Variants in TMEM117 observed in about 807,000 individuals in gnomAD.
TMEM117 encodes the protein transmembrane protein 117.
TMEM117 carries 27 observed loss-of-function variants against 52.4 expected under a neutral mutation model. The ratio of observed to expected loss-of-function variants is 0.51; its 90% CI spans 0.38 to 0.71. The LOEUF (loss-of-function observed/expected upper bound fraction) is 0.71. Among genes scored for constraint, TMEM117 ranks in the 30% least tolerant of loss-of-function variants. TMEM117 has a pLI of 0.00. For synonymous variants in TMEM117, 215 were observed against 206.3 expected (o/e 1.04, Z -0.36); for missense variants, 556 against 630.5 (o/e 0.88, Z 1.26).
chr12:44,076,156 A>G (rs138474627), intron 3 of TMEM117, among the ~76,000 whole-genome samples: 2,126 of 152,316 alleles, frequency 0.014, 37 homozygotes, highest in African/African-American at 0.048. Context: ...AATTGCCTTC[A>G]TTCTCTAAGA....
upstream of TMEM117, among the ~76,000 whole-genome samples, chr12:43,835,383 T>C (rs1427165088): frequency 6.6e-6 from 1 of 152,194 alleles, no homozygotes; most frequent in African/African-American, 2.4e-5. Flanking sequence ...CATATGTGTG[T>C]ATGCATGTGT....
intron 4 of TMEM117, among the ~76,000 whole-genome samples, chr12:44,161,540 T>C (rs914536243): frequency 6.6e-6 from 1 of 152,186 alleles, no homozygotes; most frequent in African/African-American, 2.4e-5. Context: ...TTTTGCTAAT[T>C]AAACGAATGG....
intron 3 of TMEM117, among the ~76,000 whole-genome samples, chr12:43,945,496 A>G (rs1419745716): frequency 6.6e-6 from 1 of 151,802 alleles, no homozygotes; most frequent in Non-Finnish European, 1.5e-5. Flanking sequence ...AATTTTTGTT[A>G]TTTTTTAGTA....
intron 6 of TMEM117, among the ~76,000 whole-genome samples, chr12:44,314,215 A>T (rs1398325217): frequency 6.6e-6 from 1 of 152,112 alleles, no homozygotes; most frequent in Non-Finnish European, 1.5e-5. Context: ...CCCAGTCAGA[A>T]TGATGTTGAC....
rs200305924 is a variant in TMEM117, at chr12:44,388,111, T to C, written c.984T>C (p.His328=). 2.5e-4 allele frequency: 401 copies of C among 1,612,884 alleles called. No homozygotes were observed. The highest frequency in any genetic ancestry group is 3.2e-4 in the Non-Finnish European group (379 of 1,179,478). ...AGAACCAAATATTTTATAAACCTCATGAATATGGGCAATATATCGGCCCGG... is the reference window on the plus strand; with the variant it reads ...AGAACCAAATATTTTATAAACCTCACGAATATGGGCAATATATCGGCCCGG... ...MWKNQIFYKP[H]EYGQYIGPGQ... Residue 328 remains histidine (H), a synonymous_variant, in exon 8 of 8, where the codon CAT becomes CAC. Transcript: ENST00000266534.
chr12:43,981,026 G>A (rs1459475568), intron 3 of TMEM117, among the ~76,000 whole-genome samples: 3 of 151,908 alleles, frequency 2.0e-5, no homozygotes, highest in East Asian at 1.9e-4. Context: ...ATCTGCCCTC[G>A]CCCTTTGCCC....
intron 5 of TMEM117, among the ~76,000 whole-genome samples, chr12:44,269,677 A>G (rs528154737): frequency 3.9e-5 from 6 of 151,962 alleles, no homozygotes; most frequent in African/African-American, 1.4e-4. Flanking sequence ...ATTCAGCCCA[A>G]CATTTGTAAA....
chr12:44,302,332 T>C (rs1258548145), intron 6 of TMEM117, among the ~76,000 whole-genome samples: 1 of 152,208 alleles, frequency 6.6e-6, no homozygotes, highest in Non-Finnish European at 1.5e-5. Flanking sequence ...TGACTCTGTA[T>C]TCTCCCACGT....
chr12:43,857,449 C>T (rs965208857), intron 2 of TMEM117, among the ~76,000 whole-genome samples: 1 of 151,274 alleles, frequency 6.6e-6, no homozygotes, highest in Admixed American at 6.6e-5. Flanking sequence ...AGAAGTTTTT[C>T]ACAAAGGGGG....
chr12:44,375,431 T>A (rs1951928329), intron 6 of TMEM117, among the ~76,000 whole-genome samples: 1 of 152,204 alleles, frequency 6.6e-6, no homozygotes, highest in African/African-American at 2.4e-5. Context: ...CTGGTAGACA[T>A]TGCAGGCTTT....
At chr12:44,382,064 C>T (rs1952028576) in intron 7 of TMEM117, among the ~76,000 whole-genome samples, 1 of 152,188 alleles carries the variant, frequency 6.6e-6, no homozygotes, top group Non-Finnish European at 1.5e-5. Context: ...TTTTCATTTT[C>T]AGCTCTTAAG....
chr12:43,929,694 T>C (rs926933570), intron 2 of TMEM117, among the ~76,000 whole-genome samples: 1 of 152,188 alleles, frequency 6.6e-6, no homozygotes, highest in African/African-American at 2.4e-5. Flanking sequence ...ACAATCACTG[T>C]TTATTTGCAT....
chr12:44,348,502 A>G (rs777882794), intron 6 of TMEM117, among the ~76,000 whole-genome samples: 2 of 151,918 alleles, frequency 1.3e-5, no homozygotes, highest in Non-Finnish European at 2.9e-5. Context: ...TGCCCAAAAC[A>G]CATTCTGATA....
chr12:44,044,107 C>G (rs1946844431), intron 3 of TMEM117, among the ~76,000 whole-genome samples: 1 of 152,118 alleles, frequency 6.6e-6, no homozygotes, highest in African/African-American at 2.4e-5. Flanking sequence ...CGTACTCATC[C>G]CAGCTGGGAA....
intron 2 of TMEM117, among the ~76,000 whole-genome samples, chr12:43,887,609 C>T (rs967134870): frequency 3.9e-5 from 6 of 152,180 alleles, no homozygotes; most frequent in Non-Finnish European, 8.8e-5. Flanking sequence ...GCCCCTGCTG[C>T]AGAAGACCGC....
chr12:43,866,987 GGT>G (rs1238608617), intron 2 of TMEM117, among the ~76,000 whole-genome samples: 3 of 152,070 alleles, frequency 2.0e-5, no homozygotes, highest in Non-Finnish European at 4.4e-5. Context: ...ATACTTGGGA[GGT>G]TGAAGCAGGA....
intron 2 of TMEM117, among the ~76,000 whole-genome samples, chr12:43,905,419 T>A (rs534036401): frequency 3.3e-4 from 50 of 152,304 alleles, no homozygotes; most frequent in African/African-American, 1.1e-3. Flanking sequence ...CAGAAGATGA[T>A]CACCCTTCTT....
chr12:43,984,337 C>T (rs1393274899), intron 3 of TMEM117, among the ~76,000 whole-genome samples: 4 of 151,522 alleles, frequency 2.6e-5, no homozygotes, highest in Non-Finnish European at 5.9e-5. Context: ...CACTGCACTC[C>T]AGCCTGGGCG....
intron 3 of TMEM117, among the ~76,000 whole-genome samples, chr12:43,982,772 C>G (rs1358358884): frequency 6.6e-6 from 1 of 152,084 alleles, no homozygotes; most frequent in African/African-American, 2.4e-5. Flanking sequence ...GTCATATTGC[C>G]AAATAGAACA....
Sources: allele counts gnomAD v4.1 joint callset (sites outside exome capture counted in the v4.1 genomes callset), GRCh38; gene constraint gnomAD v4.1.1; transcripts MANE v1.5; gene names NCBI Gene and HGNC (gene_info 2026-07-23, HGNC 2026-07-21).